SRD5A2: variants seen among roughly 807,000 people sequenced by gnomAD.
SRD5A2 encodes 3-oxo-5-alpha-steroid 4-dehydrogenase 2.
Under a neutral mutation model 27.4 loss-of-function variants are expected in SRD5A2, and 30 were observed. That is an observed-to-expected ratio of 1.10 (90% CI 0.82 to 1.49). The LOEUF is 1.49. Ranked by LOEUF, SRD5A2 falls within the 40% of genes most tolerant of loss-of-function variation. The pLI, the probability that SRD5A2 is intolerant of heterozygous loss-of-function variation, is 0.00. For missense variants in SRD5A2, 348 were observed against 323.4 expected (o/e 1.08, Z -0.58); for synonymous variants, 141 against 133.6 (o/e 1.06, Z -0.38).
At chr2:31,590,232 T>C in the SRD5A2 span, among the ~76,000 whole-genome samples, 14 of 140,814 alleles carry the variant, frequency 9.9e-5, no homozygotes, top group Admixed American at 3.9e-4. Context: ...TCTTGGGAGC[T>C]CTATGGCCCC....
chr2:31,547,022 T>G (rs1478055640), intron 1 of SRD5A2, among the ~76,000 whole-genome samples: 1 of 151,954 alleles, frequency 6.6e-6, no homozygotes, highest in Non-Finnish European at 1.5e-5. Context: ...CACTTGAACC[T>G]GGGAGGCAGA....
intron 1 of SRD5A2, among the ~76,000 whole-genome samples, chr2:31,543,424 C>G (rs1023417478): frequency 6.6e-6 from 1 of 152,052 alleles, no homozygotes; most frequent in African/African-American, 2.4e-5. Flanking sequence ...AACAATGTTT[C>G]TTGACTTTGT....
the SRD5A2 span, among the ~76,000 whole-genome samples, chr2:31,601,650 C>T: frequency 6.6e-6 from 1 of 152,122 alleles, no homozygotes; most frequent in East Asian, 1.9e-4. Context: ...AGCACTGATG[C>T]AAAACTCCTC....
At chr2:31,581,061 G>GC (rs60274949), upstream of SRD5A2, 789,041 of 789,098 alleles carry the variant, frequency 1, 394,492 homozygotes, top group Middle Eastern at 1. Flanking sequence ...CCCTGGCGCG[G>GC]TTCGCAGCAA....
the SRD5A2 span, among the ~76,000 whole-genome samples, chr2:31,612,286 T>TAAA: frequency 7.8e-6 from 1 of 128,124 alleles, no homozygotes; most frequent in African/African-American, 2.9e-5. Flanking sequence ...GTCTCAAAAT[T>TAAA]AAAAAAAAAA....
intron 1 of SRD5A2, among the ~76,000 whole-genome samples, chr2:31,542,285 C>A (rs781428857): frequency 2.0e-5 from 3 of 152,184 alleles, no homozygotes; most frequent in African/African-American, 7.2e-5. Flanking sequence ...TATACACCTA[C>A]TACATACCCA....
Position 31,524,070 on chromosome 2 carries a change from A to C in SRD5A2, c.*2126T>G. On this transcript the variant is annotated 3_prime_UTR_variant, in exon 5 of 5. Coordinates refer to ENST00000622030, the MANE Select transcript of SRD5A2 (RefSeq NM_000348.4). ...ATTTTAGAAAGCGCCCTCTTGTGGC[A>C]AAAAGTGAAATTGCCAAATGGCGGT... is the stretch of plus-strand genomic sequence containing the variant. The C allele has an allele frequency of 4.5e-6, 1 of 222,900 alleles. No homozygotes were observed. Among genetic ancestry groups the C allele is most frequent in the Non-Finnish European group, 9.0e-6 (1 of 111,520 alleles). The allele number at this position is 222,900 out of a possible 1,614,324, so 13.8% of individuals were successfully genotyped here. A position where few individuals can be genotyped will look rare whatever the true frequency, so the allele number is the denominator to read the frequency against.
the SRD5A2 span, among the ~76,000 whole-genome samples, chr2:31,647,364 A>T: frequency 6.6e-6 from 1 of 152,130 alleles, no homozygotes; most frequent in Non-Finnish European, 1.5e-5. Context: ...CATGGAACAC[A>T]TGTGCAGTAA....
the SRD5A2 span, among the ~76,000 whole-genome samples, chr2:31,588,433 T>G: frequency 6.6e-6 from 1 of 152,246 alleles, no homozygotes; most frequent in East Asian, 1.9e-4. Context: ...GTCCTCACAG[T>G]AGAAACCTTA....
At chr2:31,633,183 C>A in the SRD5A2 span, among the ~76,000 whole-genome samples, 2 of 152,174 alleles carry the variant, frequency 1.3e-5, no homozygotes, top group African/African-American at 4.8e-5. Flanking sequence ...CAGTACTCAA[C>A]AGGATAAATT....
At chr2:31,555,623 G>C (rs1666479348) in intron 1 of SRD5A2, among the ~76,000 whole-genome samples, 1 of 152,290 alleles carries the variant, frequency 6.6e-6, no homozygotes, top group East Asian at 1.9e-4. Flanking sequence ...GGTCCTGATA[G>C]TATCTTTGGA....
chr2:31,616,730 C>T, the SRD5A2 span, among the ~76,000 whole-genome samples: 1 of 152,142 alleles, frequency 6.6e-6, no homozygotes, highest in African/African-American at 2.4e-5. Flanking sequence ...TCAGATGAGA[C>T]TTTGGACTGT....
chr2:31,573,030 G>T (rs546921512), intron 1 of SRD5A2, among the ~76,000 whole-genome samples: 52 of 152,192 alleles, frequency 3.4e-4, no homozygotes, highest in Middle Eastern at 6.8e-3. Flanking sequence ...AAAGTATAAG[G>T]CAAATTTAAG....
chr2:31,605,080 G>A, the SRD5A2 span, among the ~76,000 whole-genome samples: 2 of 151,836 alleles, frequency 1.3e-5, no homozygotes, highest in Non-Finnish European at 2.9e-5. Flanking sequence ...AAATGGTGTT[G>A]GGAAAACTGA....
the SRD5A2 span, among the ~76,000 whole-genome samples, chr2:31,657,457 C>T: frequency 6.6e-6 from 1 of 152,146 alleles, no homozygotes; most frequent in South Asian, 2.1e-4. Flanking sequence ...GTGGCACAAT[C>T]GTAGCTCACT....
At chr2:31,597,719 G>A in the SRD5A2 span, among the ~76,000 whole-genome samples, 1 of 152,004 alleles carries the variant, frequency 6.6e-6, no homozygotes, top group Non-Finnish European at 1.5e-5. Flanking sequence ...CATCACTAAT[G>A]ATCAGGGAAA....
chr2:31,529,910 C>T (rs906501905), intron 3 of SRD5A2, among the ~76,000 whole-genome samples: 14 of 152,246 alleles, frequency 9.2e-5, no homozygotes, highest in African/African-American at 2.9e-4. Context: ...TCTGAACTCA[C>T]GGGAGAAGGA....
chr2:31,541,343 C>CAA (rs34819358), intron 1 of SRD5A2, among the ~76,000 whole-genome samples: 6 of 144,582 alleles, frequency 4.1e-5, no homozygotes, highest in South Asian at 2.2e-4. Flanking sequence ...CAACTTTCAA[C>CAA]AAAAAAAAAC....
At chr2:31,586,343 G>A in the SRD5A2 span, among the ~76,000 whole-genome samples, 5 of 152,174 alleles carry the variant, frequency 3.3e-5, no homozygotes, top group Non-Finnish European at 7.3e-5. Flanking sequence ...CACCCTGAAG[G>A]GAAGGGCACA....
Sources: gnomAD v4.1 joint callset for allele counts (sites outside exome capture counted in the v4.1 genomes callset) on GRCh38, gnomAD v4.1.1 for gene constraint, MANE v1.5 for transcripts, NCBI Gene and HGNC (gene_info 2026-07-23, HGNC 2026-07-21) for gene names.